Variants in GPR158 observed in about 807,000 individuals in gnomAD.
GPR158 encodes metabotropic glycine receptor.
In GPR158, 30 loss-of-function variants were observed where a neutral mutation model predicts 78.2. The observed-to-expected ratio is 0.38, with a 90% CI of 0.29 to 0.52. The LOEUF (loss-of-function observed/expected upper bound fraction) is 0.52. GPR158 is among the 20% of genes least tolerant of loss of function. The pLI, the probability that GPR158 is intolerant of heterozygous loss-of-function variation, is 0.83. For synonymous variants in GPR158, 581 were observed against 591.1 expected (o/e 0.98, Z 0.25); for missense variants, 1,463 against 1,523.5 (o/e 0.96, Z 0.66).
intron 5 of GPR158, among the ~76,000 whole-genome samples, chr10:25,473,947 A>G (rs1429120476): frequency 6.6e-6 from 1 of 152,154 alleles, no homozygotes; most frequent in Non-Finnish European, 1.5e-5. Context: ...ACATGGAAAA[A>G]TGGACTTTGC....
intron 5 of GPR158, among the ~76,000 whole-genome samples, chr10:25,524,267 T>A (rs1012662075): frequency 2.0e-5 from 3 of 152,180 alleles, no homozygotes; most frequent in Non-Finnish European, 4.4e-5. Context: ...CCAGCTATCT[T>A]TTTGTTAAAA....
chr10:25,256,233 C>T (rs1290923571), intron 2 of GPR158, among the ~76,000 whole-genome samples: 1 of 151,344 alleles, frequency 6.6e-6, no homozygotes, highest in Non-Finnish European at 1.5e-5. Flanking sequence ...TTTAAAATTA[C>T]TATTATAATC....
chr10:25,556,525 T>C (rs1836788804), intron 6 of GPR158, among the ~76,000 whole-genome samples: 1 of 152,200 alleles, frequency 6.6e-6, no homozygotes, highest in African/African-American at 2.4e-5. Context: ...GTTTCTGTCT[T>C]TACTGGCTGC....
intron 4 of GPR158, among the ~76,000 whole-genome samples, chr10:25,458,374 T>G (rs1835317774): frequency 1.3e-5 from 2 of 152,218 alleles, no homozygotes; most frequent in South Asian, 4.1e-4. Context: ...CATGTTTTTG[T>G]TATTACATTA....
At chr10:25,360,556 G>A (rs1403071186) in intron 2 of GPR158, among the ~76,000 whole-genome samples, 1 of 152,130 alleles carries the variant, frequency 6.6e-6, no homozygotes, top group Admixed American at 6.6e-5. Context: ...AGATCAGGTG[G>A]TTGTAGATGT....
chr10:25,420,864 A>G (rs565553279), intron 4 of GPR158, among the ~76,000 whole-genome samples: 1 of 152,230 alleles, frequency 6.6e-6, no homozygotes, highest in East Asian at 1.9e-4. Context: ...TTTGATTACT[A>G]TATCTTTGTA....
At chr10:25,509,497 G>A (rs1482137378) in intron 5 of GPR158, among the ~76,000 whole-genome samples, 1 of 152,136 alleles carries the variant, frequency 6.6e-6, no homozygotes, top group Non-Finnish European at 1.5e-5. Flanking sequence ...GGCTTAGGAT[G>A]ACATTTTTCT....
At chr10:25,434,450 A>G (rs753196566) in intron 4 of GPR158, among the ~76,000 whole-genome samples, 1 of 152,230 alleles carries the variant, frequency 6.6e-6, no homozygotes, top group Non-Finnish European at 1.5e-5. Flanking sequence ...GAAAAATATT[A>G]TGAGACATAA....
chr10:25,216,545 G>C (rs536154145), intron 1 of GPR158, among the ~76,000 whole-genome samples: 2 of 152,100 alleles, frequency 1.3e-5, no homozygotes, highest in African/African-American at 4.8e-5. Context: ...TTAATTTTGG[G>C]TGTGGGCTGA....
chr10:25,342,245 AT>A lies in GPR158; in HGVS notation c.1009-53656del, dbSNP rs35373506. Among the ~76,000 whole-genome samples, 12 of 149,586 alleles carry A rather than the reference AT, an allele frequency of 8.0e-5. No homozygotes were observed. The South Asian group carries it at 2.3e-3, about 29-fold the overall frequency. On this transcript the variant is annotated intron_variant, in intron 2 of 10. Coordinates refer to ENST00000376351, the MANE Select transcript of GPR158 (RefSeq NM_020752.3). ...TTTAAATACTGAAGGGAACTGTTTT[AT>A]TTTTTTTTTAGGCCTAGATGCTAGC...
At chr10:25,399,356 C>T (rs112057994) in intron 3 of GPR158, among the ~76,000 whole-genome samples, 1,744 of 152,284 alleles carry the variant, frequency 0.011, 8 homozygotes, top group Non-Finnish European at 0.016. Context: ...AGTATTAACG[C>T]CCAAACTCTG....
chr10:25,261,270 C>A (rs762573142), intron 2 of GPR158, among the ~76,000 whole-genome samples: 12 of 152,094 alleles, frequency 7.9e-5, no homozygotes, highest in Non-Finnish European at 1.3e-4. Flanking sequence ...GTTCACCTGC[C>A]TTCTCACTTT....
intron 5 of GPR158, among the ~76,000 whole-genome samples, chr10:25,539,276 T>C (rs945161054): frequency 2.0e-5 from 3 of 152,136 alleles, no homozygotes; most frequent in Admixed American, 1.3e-4. Context: ...ATCTTCTGTT[T>C]AGCAAAAAGC....
In GPR158 at chr10:25,275,094, G is replaced by C. The variant is rs181161129; in HGVS notation, c.1008+53937G>C. ...ATTATATAGCCTGTTGCTATTAAAA[G>C]ATCATGTGCTGGGATTTTGGTTAAA... On this transcript the variant is annotated intron_variant, in intron 2 of 10. Transcript: ENST00000376351. Among the ~76,000 whole-genome samples, 10 of 152,260 alleles carry C rather than the reference G, an allele frequency of 6.6e-5. No homozygotes were observed. In the East Asian group the frequency reaches 1.9e-3, roughly 29 times the overall value.
At chr10:25,551,656 G>A (rs1836726381) in intron 6 of GPR158, among the ~76,000 whole-genome samples, 1 of 152,140 alleles carries the variant, frequency 6.6e-6, no homozygotes, top group South Asian at 2.1e-4. Context: ...AAATATTGGG[G>A]TGGGGCAGGG....
At chr10:25,465,456 T>C (rs1588876084) in intron 4 of GPR158, among the ~76,000 whole-genome samples, 1 of 152,340 alleles carries the variant, frequency 6.6e-6, no homozygotes, top group East Asian at 1.9e-4. Flanking sequence ...GAATTTTGCT[T>C]GGAGAAGATA....
At chr10:25,293,154 C>A (rs10741075) in intron 2 of GPR158, among the ~76,000 whole-genome samples, 87,795 of 152,122 alleles carry the variant, frequency 0.58, 27,099 homozygotes, top group Non-Finnish European at 0.71. Flanking sequence ...CAAAAGTTAC[C>A]TCCTTTATAT....
At chr10:25,309,556 G>A (rs891534087) in intron 2 of GPR158, among the ~76,000 whole-genome samples, 4 of 152,080 alleles carry the variant, frequency 2.6e-5, no homozygotes, top group African/African-American at 9.6e-5. Context: ...ATAAAGTTCA[G>A]TTTTTCTATT....
chr10:25,287,008 C>T (rs113333713), intron 2 of GPR158, among the ~76,000 whole-genome samples: 1,827 of 152,104 alleles, frequency 0.012, 27 homozygotes, highest in South Asian at 0.058. Flanking sequence ...CTGCTATCCT[C>T]GTGGTGAGGG....
Sources: allele counts gnomAD v4.1 joint callset (sites outside exome capture counted in the v4.1 genomes callset), GRCh38; gene constraint gnomAD v4.1.1; transcripts MANE v1.5; gene names NCBI Gene and HGNC (gene_info 2026-07-23, HGNC 2026-07-21).